Variants in ZNF469 observed in about 807,000 individuals in gnomAD.
ZNF469 encodes zinc finger protein 469.
A neutral mutation model predicts 1.0 loss-of-function variants in ZNF469; 1 was observed. The ratio of observed to expected loss-of-function variants is 1.00; its 90% CI spans 0.35 to 4.73. The LOEUF (loss-of-function observed/expected upper bound fraction) is 4.73. Ranked by LOEUF, ZNF469 falls within the 30% of genes most tolerant of loss-of-function variation. The pLI is 0.16. For synonymous variants in ZNF469, 2,703 were observed against 2,363.4 expected (o/e 1.14, Z -4.17); for missense variants, 6,100 against 5,356.3 (o/e 1.14, Z -4.33).
At chr16:88,223,180 A>C in the ZNF469 span, among the ~76,000 whole-genome samples, 1 of 152,176 alleles carries the variant, frequency 6.6e-6, no homozygotes, top group Non-Finnish European at 1.5e-5. Flanking sequence ...CATAATTCCC[A>C]TGGGTTGTGG....
At chr16:88,276,162 G>A in the ZNF469 span, among the ~76,000 whole-genome samples, 1 of 152,214 alleles carries the variant, frequency 6.6e-6, no homozygotes, top group Non-Finnish European at 1.5e-5. Flanking sequence ...GGGATGGGGT[G>A]AGAAAACGAG....
At chr16:88,230,794 C>T in the ZNF469 span, among the ~76,000 whole-genome samples, 29 of 152,316 alleles carry the variant, frequency 1.9e-4, no homozygotes, top group African/African-American at 6.3e-4. Context: ...AGTCCCCACC[C>T]GCTGCTGAAG....
the ZNF469 span, among the ~76,000 whole-genome samples, chr16:88,130,079 C>T: frequency 2.6e-5 from 4 of 152,176 alleles, no homozygotes; most frequent in African/African-American, 4.8e-5. Flanking sequence ...AGGACTAAAC[C>T]GAATGCGTGG....
chr16:88,305,418 A>T, the ZNF469 span, among the ~76,000 whole-genome samples: 2 of 148,002 alleles, frequency 1.4e-5, no homozygotes, highest in Non-Finnish European at 3.0e-5. Context: ...ACAGGCACAC[A>T]TGCACGCCCT....
chr16:88,204,534 G>A, the ZNF469 span, among the ~76,000 whole-genome samples: 25 of 152,380 alleles, frequency 1.6e-4, no homozygotes, highest in African/African-American at 5.8e-4. Context: ...GGCAGGTAGA[G>A]GAGAGAAAAG....
intron 1 of ZNF469, among the ~76,000 whole-genome samples, chr16:88,418,355 G>A (rs1298844775): frequency 6.6e-6 from 1 of 152,190 alleles, no homozygotes; most frequent in East Asian, 1.9e-4. Flanking sequence ...ACTGAGCAGA[G>A]CTGGGTTGGG....
chr16:88,138,687 C>T, the ZNF469 span, among the ~76,000 whole-genome samples: 1 of 152,198 alleles, frequency 6.6e-6, no homozygotes, highest in Non-Finnish European at 1.5e-5. Flanking sequence ...ACCAAATTCA[C>T]CTCTTCCTGA....
At chr16:88,291,111 G>C in the ZNF469 span, among the ~76,000 whole-genome samples, 7 of 152,162 alleles carry the variant, frequency 4.6e-5, no homozygotes, top group Non-Finnish European at 1.0e-4. Context: ...GAGCCAAGCA[G>C]GCCAAGGGAT....
upstream of ZNF469, among the ~76,000 whole-genome samples, chr16:88,381,596 G>A (rs530040755): frequency 9.8e-4 from 150 of 152,360 alleles, no homozygotes; most frequent in African/African-American, 3.4e-3. Flanking sequence ...AACTCGAGAG[G>A]GTTTCTTAGT....
At chr16:88,276,973 A>T in the ZNF469 span, among the ~76,000 whole-genome samples, 1 of 136,262 alleles carries the variant, frequency 7.3e-6, no homozygotes, top group African/African-American at 2.8e-5. Context: ...GCGCCACGCC[A>T]ACACTCGGTC....
chr16:88,336,501 C>CTA, the ZNF469 span, among the ~76,000 whole-genome samples: 3 of 150,600 alleles, frequency 2.0e-5, no homozygotes, highest in Admixed American at 6.6e-5. Context: ...ACATGAGACA[C>CTA]ATGCCAATAC....
At position 88,430,462 on chromosome 16, in the gene ZNF469, A is replaced by G. The variant is rs1299237057; in HGVS notation, c.2992A>G (p.Arg998Gly). 2.7e-6 allele frequency: 4 copies of G among 1,479,480 alleles called. No homozygotes were observed. The highest frequency in any genetic ancestry group is 1.5e-5 in the African/African-American group (1 of 68,876). 91.6% of individuals were successfully genotyped at this position (1,479,480 alleles called of 1,614,324 possible). The change falls in exon 3 of 3, where the codon AGA (arginine) becomes GGA (glycine). Residue 998 changes from arginine to glycine, a missense_variant. Coordinates refer to ENST00000565624, the MANE Select transcript of ZNF469 (RefSeq NM_001367624.2). ...ERPPPRPRRP[R>G]TQAPGSRADP... ...GCCCCCACCCCGTCCCCGGCGCCCTAGAACGCAGGCCCCCGGGAGCCGCGC... is the reference window on the plus strand; with the variant it reads ...GCCCCCACCCCGTCCCCGGCGCCCTGGAACGCAGGCCCCCGGGAGCCGCGC...
chr16:88,418,928 C>T (rs1224311367), intron 1 of ZNF469, among the ~76,000 whole-genome samples: 2 of 152,266 alleles, frequency 1.3e-5, no homozygotes, highest in Admixed American at 6.5e-5. Flanking sequence ...GCGAGGACTA[C>T]AGACGGGAGG....
At chr16:88,254,398 T>C in the ZNF469 span, among the ~76,000 whole-genome samples, 1 of 152,194 alleles carries the variant, frequency 6.6e-6, no homozygotes, top group Non-Finnish European at 1.5e-5. Flanking sequence ...TTGTTGATTA[T>C]TGTATATTTA....
the ZNF469 span, among the ~76,000 whole-genome samples, chr16:88,204,667 G>A: frequency 6.6e-6 from 1 of 152,230 alleles, no homozygotes; most frequent in Non-Finnish European, 1.5e-5. Flanking sequence ...TCAGGCACAA[G>A]GCACCCACAC....
the ZNF469 span, among the ~76,000 whole-genome samples, chr16:88,160,465 G>A: frequency 1.3e-3 from 191 of 152,260 alleles, 2 homozygotes; most frequent in Admixed American, 9.8e-4. Context: ...TGCTGCCTGC[G>A]CACTTTGCAC....
chr16:88,311,608 A>T, the ZNF469 span, among the ~76,000 whole-genome samples: 3 of 152,126 alleles, frequency 2.0e-5, no homozygotes, highest in South Asian at 4.1e-4. Flanking sequence ...TTCATTCTAT[A>T]ACTTACTGTG....
the ZNF469 span, among the ~76,000 whole-genome samples, chr16:88,171,702 C>T: frequency 1.3e-5 from 2 of 152,178 alleles, no homozygotes; most frequent in Non-Finnish European, 2.9e-5. Flanking sequence ...GAAGACCCAT[C>T]GCTGCGTTAC....
At chr16:88,285,216 G>T in the ZNF469 span, among the ~76,000 whole-genome samples, 1 of 152,274 alleles carries the variant, frequency 6.6e-6, no homozygotes, top group Non-Finnish European at 1.5e-5. Flanking sequence ...CCCCAGAGCT[G>T]TGGTAGGCAG....
Sources: allele counts gnomAD v4.1 joint callset (sites outside exome capture counted in the v4.1 genomes callset), GRCh38; gene constraint gnomAD v4.1.1; transcripts MANE v1.5; gene names NCBI Gene and HGNC (gene_info 2026-07-23, HGNC 2026-07-21).